The following SLC2A14 variants were observed in gnomAD, a reference collection of about 807,000 sequenced individuals.
SLC2A14 encodes the protein solute carrier family 2, facilitated glucose transporter member 14.
Under a neutral mutation model 43.0 loss-of-function variants are expected in SLC2A14, and 13 were observed. The ratio of observed to expected loss-of-function variants is 0.30; its 90% CI spans 0.20 to 0.48. The LOEUF (loss-of-function observed/expected upper bound fraction) is 0.48. Among genes scored for constraint, SLC2A14 ranks in the 20% least tolerant of loss-of-function variants. The pLI is 0.99. For synonymous variants in SLC2A14, 190 were observed against 233.8 expected (o/e 0.81, Z 1.71); for missense variants, 428 against 620.4 (o/e 0.69, Z 3.29).
At chr12:7,870,071 A>C (rs1403264343) in intron 1 of SLC2A14, 134 bp from the exon 2 acceptor site, 1 of 532,162 alleles carries the variant, frequency 1.9e-6, no homozygotes, top group African/African-American at 1.9e-5. Context: ...AAATTTATAT[A>C]ATTCTATTGA....
In SLC2A14 at chr12:7,831,763, A is replaced by G. The variant is rs776761126; in HGVS notation, c.113T>C (p.Ile38Thr). The G allele has an allele frequency of 5.6e-6, 9 of 1,614,206 alleles. No individual in the cohort carries two copies. The highest frequency in any genetic ancestry group is 7.6e-6 in the Non-Finnish European group (9 of 1,180,034). Reference sequence around the variant, plus strand: ...AGTTTTATTGATAAATTCCTTTATGATCTGCAAAATAAAAGGTGGGAGGAC... The same window carrying G: ...AGTTTTATTGATAAATTCCTTTATGGTCTGCAAAATAAAAGGTGGGAGGAC... ...NTGVINAPET[I>T]IKEFINKTLT... Residue 38 changes from isoleucine to threonine, a missense_variant and splice_region_variant, in exon 4 of 11, where the codon ATC (isoleucine) becomes ACC (threonine). Ile to Thr is a moderately conservative substitution (Grantham distance 89). Around this residue, in one of 4 missense-constraint regions of SLC2A14, gnomAD observed 122 missense variants for 128.8 expected, o/e 0.95. Transcript: ENST00000431042.
intron 2 of SLC2A14, among the ~76,000 whole-genome samples, chr12:7,851,832 T>C (rs2120933314): frequency 6.6e-6 from 1 of 152,276 alleles, no homozygotes; most frequent in African/African-American, 2.4e-5. Context: ...TCTTCTTTGA[T>C]CCTGACAGCT....
At chr12:7,815,184 G>A (rs191654930) in intron 10 of SLC2A14, among the ~76,000 whole-genome samples, 101 of 151,970 alleles carry the variant, frequency 6.6e-4, no homozygotes, top group African/African-American at 2.2e-3. Context: ...GCTGAGGCAG[G>A]TGGATCCCTT....
At chr12:7,850,686 G>A (rs1003325047) in intron 2 of SLC2A14, 1 of 152,310 alleles carries the variant, frequency 6.6e-6, no homozygotes, top group African/African-American at 2.4e-5. Context: ...GAGCCGCCAG[G>A]CCAGGCCATT....
At chr12:7,852,966 A>G (rs1378715249) in intron 2 of SLC2A14, among the ~76,000 whole-genome samples, 1 of 152,198 alleles carries the variant, frequency 6.6e-6, no homozygotes, top group African/African-American at 2.4e-5. Context: ...TCTCTCAGGA[A>G]GCACATACTC....
rs1212506572 is a variant in SLC2A14, at chr12:7,890,930, T to C, written c.132+66A>G. On this transcript the variant is annotated intron_variant, in intron 1 of 9. Transcript: ENST00000539924. ...AGACAGGAGGGCAAGTTTTTCCCTT[T>C]TTTAAAGAAATCATCCTCGACATGG... The C allele has an allele frequency of 2.7e-6, 4 of 1,480,382 alleles. No individual in the cohort carries two copies. In the Admixed American group the frequency reaches 8.7e-5, roughly 32 times the overall value. 91.7% of individuals were successfully genotyped at this position (1,480,382 alleles called of 1,614,324 possible).
intron 10 of SLC2A14, 131 bp downstream of exon 10, chr12:7,817,700 A>T: frequency 1.8e-6 from 2 of 1,109,134 alleles, no homozygotes; most frequent in Non-Finnish European, 2.5e-6. Flanking sequence ...GTGAGCTGAG[A>T]TCGGGCAACT....
intron 6 of SLC2A14, 98 bp from the exon 7 acceptor site, chr12:7,827,780 T>G: frequency 6.6e-7 from 1 of 1,519,954 alleles, no homozygotes; most frequent in Non-Finnish European, 8.8e-7. Context: ...CGAGGTGAGG[T>G]GATGGGTAGC....
At chr12:7,823,488 C>G (rs1864099426) in intron 7 of SLC2A14, among the ~76,000 whole-genome samples, 1 of 152,016 alleles carries the variant, frequency 6.6e-6, no homozygotes, top group South Asian at 2.1e-4. Context: ...TTTGGGAGGC[C>G]AAGGCGGGCA....
chr12:7,882,695 A>G (rs1394939028), intron 1 of SLC2A14, among the ~76,000 whole-genome samples: 1 of 151,990 alleles, frequency 6.6e-6, no homozygotes, highest in African/African-American at 2.4e-5. Context: ...AAGTTAGTCC[A>G]GCATAGTGGC....
intron 7 of SLC2A14, among the ~76,000 whole-genome samples, chr12:7,822,660 C>T (rs1349876013): frequency 7.3e-6 from 1 of 136,432 alleles, no homozygotes; most frequent in Admixed American, 7.8e-5. Flanking sequence ...CAGAGCGAGA[C>T]TCCATCTCAA....
intron 2 of SLC2A14, among the ~76,000 whole-genome samples, chr12:7,867,299 AAC>A (rs546705336): frequency 0.4 from 27,914 of 70,412 alleles, 4,981 homozygotes; most frequent in Non-Finnish European, 0.47. Flanking sequence ...AAAAAAAAAA[AAC>A]AAAAAAAACA....
At position 7,818,044 on chromosome 12, in the gene SLC2A14, G is replaced by C; in HGVS notation, c.1072-10C>G. ...TCCCATTATAGTGATTCTGTAAGAG[G>C]AAGGAACACAGAAGATTAAATTTAA... On this transcript the variant is annotated splice_polypyrimidine_tract_variant and intron_variant, in intron 9 of 10. Transcript: ENST00000431042. 6.2e-7 allele frequency: 1 copy of C among 1,611,368 alleles called. No homozygotes were observed. Among genetic ancestry groups the C allele is most frequent in the Non-Finnish European group, 8.5e-7 (1 of 1,178,600 alleles).
chr12:7,865,679 C>T (rs1416011702), intron 2 of SLC2A14, among the ~76,000 whole-genome samples: 1 of 152,052 alleles, frequency 6.6e-6, no homozygotes, highest in Non-Finnish European at 1.5e-5. Flanking sequence ...TTTCCTGAGA[C>T]AATAATATTG....
chr12:7,814,432 C>T lies in SLC2A14; in HGVS notation c.1378G>A (p.Glu460Lys). The T allele has an allele frequency of 6.2e-7, 1 of 1,613,432 alleles. No individual in the cohort carries two copies. Among genetic ancestry groups the T allele is most frequent in the East Asian group, 2.2e-5 (1 of 44,852 alleles). ...CCTTCAAAGGCCCGTGTGATATCCT[C>T]AAAAGTCCTGCCACGGGTCTCAGGG... is the stretch of plus-strand genomic sequence containing the variant. ...KVPETRGRTF[E>K]DITRAFEGQA... Residue 460 changes from glutamate to lysine, a missense_variant, in exon 11 of 11, where the codon GAG becomes AAG. Physicochemically the swap from Glu to Lys is moderately conservative, Grantham distance 56. Transcript: ENST00000431042.
chr12:7,823,671 G>A (rs1191534603), intron 7 of SLC2A14, among the ~76,000 whole-genome samples: 2 of 151,956 alleles, frequency 1.3e-5, no homozygotes, highest in Non-Finnish European at 2.9e-5. Context: ...GGTGAGCCGA[G>A]ATCGCACCAG....
At chr12:7,886,157 T>A (rs1325511528) in intron 1 of SLC2A14, among the ~76,000 whole-genome samples, 122 of 3,620 alleles carry the variant, frequency 0.034, no homozygotes, top group African/African-American at 0.22. Flanking sequence ...ACAGCTTTTT[T>A]TTTTTTTTTT....
chr12:7,833,440 A>G (rs1376342725), intron 2 of SLC2A14, among the ~76,000 whole-genome samples: 2 of 152,196 alleles, frequency 1.3e-5, no homozygotes, highest in African/African-American at 4.8e-5. Context: ...GTGGGGGAAG[A>G]AAGAACACTC....
rs117530546 is a variant in SLC2A14, at chr12:7,890,913, G to A, written c.132+83C>T. The A allele has an allele frequency of 9.4e-5, 135 of 1,429,824 alleles. 2 individuals are homozygous for A. In the East Asian group the frequency reaches 3.4e-3, roughly 36 times the overall value. The allele number at this position is 1,429,824 out of a possible 1,614,324, so 88.6% of individuals were successfully genotyped here. On this transcript the variant is annotated intron_variant, in intron 1 of 9. Transcript: ENST00000539924. ...ACTGTGCTGATTAAGAGAGACAGGA[G>A]GGCAAGTTTTTCCCTTTTTTAAAGA...
Sources: gnomAD v4.1 joint callset for allele counts (sites outside exome capture counted in the v4.1 genomes callset) on GRCh38, gnomAD v4.1.1 for gene constraint, gnomAD v4.1.1 regional missense constraint, MANE v1.5 for transcripts, NCBI Gene and HGNC (gene_info 2026-07-23, HGNC 2026-07-21) for gene names.